Variants in ZFPM2 observed in about 807,000 individuals in gnomAD.
The protein encoded by ZFPM2 is zinc finger protein ZFPM2.
In ZFPM2, 20 loss-of-function variants were observed where a neutral mutation model predicts 98.6. The observed-to-expected ratio is 0.20, with a 90% CI of 0.14 to 0.29. ZFPM2 has a LOEUF of 0.29. ZFPM2 is among the 10% of genes least tolerant of loss of function. The pLI, the probability that ZFPM2 is intolerant of heterozygous loss-of-function variation, is 1.00. For synonymous variants in ZFPM2, 518 were observed against 502.7 expected (o/e 1.03, Z -0.41); for missense variants, 1,310 against 1,388.6 (o/e 0.94, Z 0.90).
chr8:105,464,449 A>T (rs190007012), intron 3 of ZFPM2, among the ~76,000 whole-genome samples: 2 of 152,150 alleles, frequency 1.3e-5, no homozygotes, highest in African/African-American at 4.8e-5. Flanking sequence ...AATAGAGCAA[A>T]TGCATAAGAC....
chr8:105,677,300 A>G (rs1810493843), intron 5 of ZFPM2, among the ~76,000 whole-genome samples: 1 of 152,012 alleles, frequency 6.6e-6, no homozygotes, highest in Non-Finnish European at 1.5e-5. Context: ...GTACTTTACA[A>G]ATGAGGTTGA....
At chr8:105,693,984 T>C (rs1158780253) in intron 5 of ZFPM2, among the ~76,000 whole-genome samples, 4 of 78,388 alleles carry the variant, frequency 5.1e-5, no homozygotes, top group African/African-American at 1.2e-4. Flanking sequence ...TCTTTTCTTT[T>C]TTTTTTTTTT....
intron 5 of ZFPM2, among the ~76,000 whole-genome samples, chr8:105,757,765 C>T (rs1213925041): frequency 6.6e-6 from 1 of 152,102 alleles, no homozygotes; most frequent in Non-Finnish European, 1.5e-5. Context: ...ACTTTCACCT[C>T]CTTTGATTCT....
At chr8:105,374,152 A>T (rs1810677564) in intron 1 of ZFPM2, among the ~76,000 whole-genome samples, 1 of 152,212 alleles carries the variant, frequency 6.6e-6, no homozygotes, top group East Asian at 1.9e-4. Context: ...GGTTTTGTAT[A>T]GGCAGAGCCT....
chr8:105,795,699 A>AT (rs1563569498), intron 6 of ZFPM2: 4 of 387,932 alleles, frequency 1.0e-5, no homozygotes, highest in East Asian at 8.0e-5. Context: ...TACCTTTGTG[A>AT]TTTTACTTCA....
At chr8:105,343,809 A>G (rs1812471483) in intron 1 of ZFPM2, among the ~76,000 whole-genome samples, 1 of 152,154 alleles carries the variant, frequency 6.6e-6, no homozygotes, top group African/African-American at 2.4e-5. Context: ...TTAATATTCT[A>G]GATGGGCCCC....
At chr8:105,470,013 T>C (rs978163424) in intron 3 of ZFPM2, among the ~76,000 whole-genome samples, 4 of 152,180 alleles carry the variant, frequency 2.6e-5, no homozygotes, top group African/African-American at 9.7e-5. Context: ...GCCATTGTTA[T>C]GATAATGACA....
At chr8:105,719,331 A>T (rs1171884605) in intron 5 of ZFPM2, among the ~76,000 whole-genome samples, 5 of 151,908 alleles carry the variant, frequency 3.3e-5, no homozygotes, top group African/African-American at 1.2e-4. Context: ...CTTGTAAGTG[A>T]TACAAAAAGT....
intron 3 of ZFPM2, among the ~76,000 whole-genome samples, chr8:105,449,957 T>A (rs1352746063): frequency 6.6e-6 from 1 of 152,132 alleles, no homozygotes; most frequent in Non-Finnish European, 1.5e-5. Flanking sequence ...GATTTTGCAA[T>A]GTAAAAGTCA....
At chr8:105,668,531 C>A (rs1299966481) in intron 5 of ZFPM2, among the ~76,000 whole-genome samples, 1 of 151,722 alleles carries the variant, frequency 6.6e-6, no homozygotes, top group Non-Finnish European at 1.5e-5. Context: ...CATTTTTGTC[C>A]GCATCTTCTT....
intron 6 of ZFPM2, among the ~76,000 whole-genome samples, chr8:105,796,461 G>GAAAT (rs2094114502): frequency 6.6e-6 from 1 of 152,162 alleles, no homozygotes; most frequent in African/African-American, 2.4e-5. Flanking sequence ...TAGTGTAAAT[G>GAAAT]AAATTAACTT....
chr8:105,639,048 A>C (rs1670872407), intron 5 of ZFPM2, among the ~76,000 whole-genome samples: 1 of 152,054 alleles, frequency 6.6e-6, no homozygotes, highest in African/African-American at 2.4e-5. Context: ...ATTCTAATTT[A>C]CTTATCTCTA....
chr8:105,544,314 A>G (rs1017239752), intron 3 of ZFPM2, among the ~76,000 whole-genome samples: 3 of 152,160 alleles, frequency 2.0e-5, no homozygotes, highest in Non-Finnish European at 4.4e-5. Flanking sequence ...AGTATTCTAC[A>G]TGAGGTCAGG....
intron 5 of ZFPM2, among the ~76,000 whole-genome samples, chr8:105,760,238 T>C (rs1176370168): frequency 6.6e-6 from 1 of 151,674 alleles, no homozygotes; most frequent in Non-Finnish European, 1.5e-5. Flanking sequence ...AGAGGAAAAA[T>C]CACATGTAGG....
chr8:105,639,177 A>G (rs1296112277), intron 5 of ZFPM2, among the ~76,000 whole-genome samples: 2 of 152,040 alleles, frequency 1.3e-5, no homozygotes, highest in South Asian at 2.1e-4. Context: ...CTGATGATCT[A>G]CTTCTTTACC....
intron 5 of ZFPM2, among the ~76,000 whole-genome samples, chr8:105,649,424 G>A (rs1817122509): frequency 1.3e-5 from 2 of 152,148 alleles, no homozygotes; most frequent in South Asian, 2.1e-4. Flanking sequence ...ATGTTGAATA[G>A]CAGTGGTGAG....
chr8:105,773,496 T>A (rs1223987127), intron 5 of ZFPM2, among the ~76,000 whole-genome samples: 2 of 152,094 alleles, frequency 1.3e-5, no homozygotes, highest in South Asian at 2.1e-4. Context: ...AGTAAAAAAA[T>A]AGTTTTTAAA....
rs143076078 is a variant in ZFPM2, at chr8:105,584,037, G to A, written c.420+22556G>A. Among the ~76,000 whole-genome samples the A allele has an allele frequency of 5.6e-3, 845 of 151,948 alleles. 10 individuals carry two copies. The highest frequency in any genetic ancestry group is 0.019 in the African/African-American group (792 of 41,452). ...TCCTCATGAAATAAAATGGTTTATC[G>A]TATTTTTCTTTGGTTTTTTTTGGTA... On this transcript the variant is annotated intron_variant, in intron 4 of 7. Coordinates refer to ENST00000407775, the MANE Select transcript of ZFPM2 (RefSeq NM_012082.4).
intron 5 of ZFPM2, among the ~76,000 whole-genome samples, chr8:105,786,041 C>CAAAAAA (rs60740995): frequency 1.3e-4 from 5 of 39,824 alleles, no homozygotes; most frequent in Non-Finnish European, 2.6e-4. Flanking sequence ...GACTCCGTCT[C>CAAAAAA]AAAAAAAAAA....
Sources: gnomAD v4.1 joint callset for allele counts (sites outside exome capture counted in the v4.1 genomes callset) on GRCh38, gnomAD v4.1.1 for gene constraint, MANE v1.5 for transcripts, NCBI Gene and HGNC (gene_info 2026-07-23, HGNC 2026-07-21) for gene names.